Variants in UQCRC2 observed in about 807,000 individuals in gnomAD.
UQCRC2 encodes ubiquinol-cytochrome c reductase core protein 2.
A neutral mutation model predicts 55.6 loss-of-function variants in UQCRC2; 49 were observed. The observed-to-expected ratio is 0.88, with a 90% CI of 0.70 to 1.12. The LOEUF (loss-of-function observed/expected upper bound fraction) is 1.12. Among genes scored for constraint, UQCRC2 ranks in the 50% most tolerant of loss-of-function variants. The pLI is 0.00. For synonymous variants in UQCRC2, 193 were observed against 192.0 expected (o/e 1.01, Z -0.04); for missense variants, 506 against 547.8 (o/e 0.92, Z 0.76).
intron 12 of UQCRC2, among the ~76,000 whole-genome samples, chr16:21,978,699 A>G (rs1898644223): frequency 6.6e-6 from 1 of 152,216 alleles, no homozygotes; most frequent in South Asian, 2.1e-4. Context: ...CCAAATAGTA[A>G]CGTAAACGGT....
chr16:21,961,668 A>ATATATATATATATATATATATTTT (rs1321053912), intron 4 of UQCRC2, among the ~76,000 whole-genome samples: 1 of 116,048 alleles, frequency 8.6e-6, no homozygotes, highest in Admixed American at 8.9e-5. Context: ...ATATATATAT[A>ATATATATATATATATATATATTTT]TTTTAGACAG....
chr16:21,954,764 C>T (rs1467482356), intron 1 of UQCRC2, among the ~76,000 whole-genome samples: 1 of 152,002 alleles, frequency 6.6e-6, no homozygotes, highest in Non-Finnish European at 1.5e-5. Flanking sequence ...ACATTACCGG[C>T]GGAGCGCGAT....
chr16:21,956,647 A>T (rs1898091254), intron 1 of UQCRC2, among the ~76,000 whole-genome samples: 2 of 152,244 alleles, frequency 1.3e-5, no homozygotes, highest in Admixed American at 1.3e-4. Flanking sequence ...ACTGAAAGAT[A>T]AGAAAATACA....
chr16:21,966,915 A>G (rs1404595536), intron 7 of UQCRC2, among the ~76,000 whole-genome samples: 4 of 152,268 alleles, frequency 2.6e-5, no homozygotes, highest in Non-Finnish European at 4.4e-5. Flanking sequence ...AGAATGGAAC[A>G]GTATTCAACC....
chr16:21,956,765 A>G lies in UQCRC2; in HGVS notation c.34-470A>G, dbSNP rs558496102. 1.6e-4 allele frequency among the ~76,000 whole-genome samples: 25 copies of G among 152,270 alleles called. No individual in the cohort carries two copies. In the East Asian group the frequency reaches 3.1e-3, roughly 19 times the overall value. On this transcript the variant is annotated intron_variant, in intron 1 of 13. Transcript: ENST00000268379. ...AAACTGGTGGGTTAGTAAGTCCATA[A>G]TAAGTTATGCAGCTAGGCGGGGTGC...
At chr16:21,961,239 G>A (rs1898190986) in intron 4 of UQCRC2, 2 of 367,108 alleles carry the variant, frequency 5.4e-6, no homozygotes, top group Admixed American at 3.0e-5. Context: ...AGGAATATCT[G>A]GTAATATTGA....
At position 21,962,840 on chromosome 16, in the gene UQCRC2, C is replaced by G. The variant is rs1459557800; in HGVS notation, c.469C>G (p.Gln157Glu). ...RRWEVADLQP[Q>E]LKIDKAVAFQ... ...TTGGGAAGTAGCTGACCTTCAGCCT[C>G]AGCTAAAGATTGACAAAGCTGTGGC... Residue 157 changes from glutamine (Q) to glutamate (E), a missense_variant, in exon 6 of 14, where the codon CAG (glutamine) becomes GAG (glutamate). By Grantham distance (29) the Gln-to-Glu change is conservative (BLOSUM62 2). Coordinates refer to ENST00000268379, the MANE Select transcript of UQCRC2 (RefSeq NM_003366.4). 6.2e-7 allele frequency: 1 copy of G among 1,613,926 alleles called. No individual in the cohort carries two copies. Among genetic ancestry groups the G allele is most frequent in the African/African-American group, 1.3e-5 (1 of 74,884 alleles).
At chr16:21,976,277 T>A in intron 12 of UQCRC2, 34 bp downstream of exon 12, 1 of 1,542,270 alleles carries the variant, frequency 6.5e-7, no homozygotes, top group Non-Finnish European at 9.0e-7. Flanking sequence ...TTTATGTTTT[T>A]GTTATTTGAA....
intron 11 of UQCRC2, among the ~76,000 whole-genome samples, chr16:21,974,754 C>T (rs541524835): frequency 7.9e-5 from 12 of 152,190 alleles, no homozygotes; most frequent in African/African-American, 2.6e-4. Flanking sequence ...GAGCAGATAT[C>T]GGAGATAGAA....
intron 9 of UQCRC2, 51 bp downstream of exon 9, chr16:21,971,671 C>A: frequency 6.4e-7 from 1 of 1,565,802 alleles, no homozygotes; most frequent in Non-Finnish European, 8.8e-7. Flanking sequence ...CGTTTCCCCA[C>A]TAGAATAGCA....
At chr16:21,961,237 C>A in intron 4 of UQCRC2, 1 of 365,880 alleles carries the variant, frequency 2.7e-6, no homozygotes, top group South Asian at 2.0e-5. Context: ...CAAGGAATAT[C>A]TGGTAATATT....
intron 8 of UQCRC2, 68 bp from the exon 9 acceptor site, chr16:21,971,456 GA>G (rs1898457916): frequency 2.3e-6 from 3 of 1,322,006 alleles, no homozygotes; most frequent in Non-Finnish European, 3.2e-6. Context: ...TTAAAACAAG[GA>G]AAAAATATTT....
At chr16:21,975,853 G>A (rs996388649) in intron 11 of UQCRC2, among the ~76,000 whole-genome samples, 7 of 152,182 alleles carry the variant, frequency 4.6e-5, no homozygotes, top group Admixed American at 3.9e-4. Flanking sequence ...CACTTTGGGA[G>A]GTTAAGGTGG....
At chr16:21,971,470 C>T (rs910884642) in intron 8 of UQCRC2, 55 bp from the exon 9 acceptor site, 26 of 1,380,722 alleles carry the variant, frequency 1.9e-5, no homozygotes, top group South Asian at 5.0e-5. Context: ...AAATATTTTA[C>T]GATTGTGTTT....
intron 10 of UQCRC2, among the ~76,000 whole-genome samples, chr16:21,973,591 T>A (rs1475746943): frequency 2.0e-5 from 3 of 152,198 alleles, no homozygotes; most frequent in African/African-American, 7.2e-5. Context: ...ATTATAATAA[T>A]AATGTTTGCA....
intron 12 of UQCRC2, 115 bp downstream of exon 12, chr16:21,976,358 G>A (rs924552414): frequency 8.6e-5 from 78 of 906,286 alleles, no homozygotes; most frequent in South Asian, 3.7e-4. Flanking sequence ...ACAGAAAAGC[G>A]TAAAAAGGGA....
chr16:21,971,932 G>A lies in UQCRC2; in HGVS notation c.776G>A (p.Arg259Gln), dbSNP rs780855199. Residue 259 changes from arginine (R) to glutamine (Q), a missense_variant, in exon 10 of 14, where the codon CGA becomes CAA. By Grantham distance (43) the Arg-to-Gln change is conservative (BLOSUM62 1). Coordinates refer to ENST00000268379, the MANE Select transcript of UQCRC2 (RefSeq NM_003366.4). ...CTTAATCTGGCCCCAGGTGAAATCC[G>A]AGAACAGAATGGAGACAGTCTTGTC... Reference protein sequence around the residue: ...AKANYRGGEIREQNGDSLVHA... With the variant: ...AKANYRGGEIQEQNGDSLVHA... 7 of 1,613,830 alleles carry A rather than the reference G, an allele frequency of 4.3e-6. No individual in the cohort carries two copies. The highest frequency in any genetic ancestry group is 5.9e-6 in the Non-Finnish European group (7 of 1,180,026).
intron 4 of UQCRC2, among the ~76,000 whole-genome samples, chr16:21,960,006 T>C (rs967151425): frequency 1.3e-5 from 2 of 152,222 alleles, no homozygotes; most frequent in Non-Finnish European, 2.9e-5. Flanking sequence ...TTTAGCATAA[T>C]TCCTAAGGGC....
At chr16:21,966,814 A>G (rs1166539437) in intron 7 of UQCRC2, among the ~76,000 whole-genome samples, 1 of 152,234 alleles carries the variant, frequency 6.6e-6, no homozygotes, top group East Asian at 1.9e-4. Context: ...AAGTTTATCT[A>G]CAAGGATGGC....
Sources: gnomAD v4.1 joint callset for allele counts (sites outside exome capture counted in the v4.1 genomes callset) on GRCh38, gnomAD v4.1.1 for gene constraint, MANE v1.5 for transcripts, NCBI Gene and HGNC (gene_info 2026-07-23, HGNC 2026-07-21) for gene names.